Variants in CNBD1 observed in about 807,000 individuals in gnomAD.
The protein encoded by CNBD1 is cyclic nucleotide-binding domain-containing protein 1.
CNBD1 carries 71 observed loss-of-function variants against 54.4 expected under a neutral mutation model. That is an observed-to-expected ratio of 1.30 (90% CI 1.08 to 1.59). The LOEUF (loss-of-function observed/expected upper bound fraction) is 1.59, where lower values mean the gene tolerates loss of function less well. Among genes scored for constraint, CNBD1 ranks in the 40% most tolerant of loss-of-function variants. The pLI is 0.00. For synonymous variants in CNBD1, 182 were observed against 170.7 expected (o/e 1.07, Z -0.51); for missense variants, 659 against 518.0 (o/e 1.27, Z -2.64).
rs370371059 is a variant in CNBD1, at chr8:86,893,010, G to T, written c.158+5399G>T. On this transcript the variant is annotated intron_variant, in intron 2 of 10. Transcript: ENST00000518476. ...AAGGATGGTTTATGTACACATAAAA[G>T]AAATGATCTGAGCTTCGAGCCATTA... Among the ~76,000 whole-genome samples the T allele has an allele frequency of 8.5e-5, 13 of 152,262 alleles. No individual in the cohort carries two copies. The South Asian group carries it at 1.2e-3, about 15-fold the overall frequency.
At chr8:86,917,520 T>A (rs1440895977) in intron 3 of CNBD1, among the ~76,000 whole-genome samples, 1 of 152,092 alleles carries the variant, frequency 6.6e-6, no homozygotes, top group African/African-American at 2.4e-5. Context: ...GGTCTAGAAT[T>A]TCCCATGAAC....
At chr8:86,885,994 C>T (rs192169446) in intron 1 of CNBD1, among the ~76,000 whole-genome samples, 210 of 152,222 alleles carry the variant, frequency 1.4e-3, no homozygotes, top group Non-Finnish European at 2.2e-3. Flanking sequence ...ATTTTTTTGT[C>T]ACCTGCTTTA....
At chr8:87,263,072 T>C (rs1241174200) in intron 6 of CNBD1, among the ~76,000 whole-genome samples, 1 of 152,112 alleles carries the variant, frequency 6.6e-6, no homozygotes, top group East Asian at 1.9e-4. Flanking sequence ...GGAGCTCCTT[T>C]TATATGTGTT....
chr8:86,952,834 G>A (rs181490026), intron 4 of CNBD1, among the ~76,000 whole-genome samples: 15 of 152,210 alleles, frequency 9.9e-5, no homozygotes, highest in Admixed American at 8.5e-4. Context: ...GCTCCCAAGA[G>A]TTTCCTTGCA....
chr8:86,996,817 A>G (rs1277678005), intron 4 of CNBD1, among the ~76,000 whole-genome samples: 1 of 152,222 alleles, frequency 6.6e-6, no homozygotes, highest in Non-Finnish European at 1.5e-5. Context: ...ATGACAATGT[A>G]TTTATTACTA....
chr8:87,217,757 C>G (rs1814243991), intron 5 of CNBD1, among the ~76,000 whole-genome samples: 1 of 151,858 alleles, frequency 6.6e-6, no homozygotes, highest in African/African-American at 2.4e-5. Context: ...GTAGATTATT[C>G]TCAAGATTGA....
intron 6 of CNBD1, among the ~76,000 whole-genome samples, chr8:87,275,443 T>A (rs549622471): frequency 6.6e-6 from 1 of 152,184 alleles, no homozygotes; most frequent in African/African-American, 2.4e-5. Context: ...TATCCGCTTT[T>A]ATTTCATTGA....
intron 2 of CNBD1, among the ~76,000 whole-genome samples, chr8:87,408,665 T>A (rs1386616793): frequency 6.6e-6 from 1 of 152,110 alleles, no homozygotes; most frequent in Non-Finnish European, 1.5e-5. Flanking sequence ...TAGAGGTTGG[T>A]GACAGCCCTG....
intron 6 of CNBD1, among the ~76,000 whole-genome samples, chr8:87,246,591 G>T (rs567713917): frequency 7.2e-5 from 11 of 152,212 alleles, no homozygotes; most frequent in African/African-American, 2.6e-4. Flanking sequence ...TGACTTTAGG[G>T]ATTAATTTAG....
At chr8:87,427,924 G>C (rs142874481) in intron 2 of CNBD1, among the ~76,000 whole-genome samples, 124 of 152,200 alleles carry the variant, frequency 8.1e-4, no homozygotes, top group Admixed American at 2.6e-3. Context: ...CTGGATCACA[G>C]ACCTTCACCA....
intron 4 of CNBD1, among the ~76,000 whole-genome samples, chr8:87,205,715 TA>T (rs796179438): frequency 1.4e-4 from 21 of 150,994 alleles, no homozygotes; most frequent in African/African-American, 4.7e-4. Context: ...GTTTTCTATT[TA>T]AAAAGAAGTT....
intron 3 of CNBD1, among the ~76,000 whole-genome samples, chr8:86,935,722 C>T (rs1021007456): frequency 2.0e-5 from 3 of 152,024 alleles, no homozygotes; most frequent in African/African-American, 7.2e-5. Context: ...GGTTTTATTA[C>T]TCTAACAATT....
chr8:87,140,192 A>G (rs1812343816), intron 4 of CNBD1, among the ~76,000 whole-genome samples: 1 of 151,976 alleles, frequency 6.6e-6, no homozygotes, highest in Non-Finnish European at 1.5e-5. Flanking sequence ...TGTATGTTAA[A>G]TTTCTGTCTC....
intron 4 of CNBD1, chr8:87,044,552 T>C (rs1810141478): frequency 1.3e-5 from 2 of 152,336 alleles, no homozygotes; most frequent in South Asian, 4.1e-4. Context: ...TACAGTGGAA[T>C]GCCAACTTTT....
chr8:86,939,173 GA>G (rs1467630847), intron 3 of CNBD1, among the ~76,000 whole-genome samples: 16 of 151,962 alleles, frequency 1.1e-4, no homozygotes, highest in African/African-American at 3.9e-4. Flanking sequence ...GATGTTTATA[GA>G]TTACCAGTGG....
chr8:87,099,034 CAAAAAAAAAAAA>C (rs11402011), intron 4 of CNBD1, among the ~76,000 whole-genome samples: 1 of 23,036 alleles, frequency 4.3e-5, no homozygotes, highest in East Asian at 1.8e-3. Flanking sequence ...GACTGTGTCT[CAAAAAAAAAAAA>C]AAAAAAAAAA....
intron 2 of CNBD1, among the ~76,000 whole-genome samples, chr8:86,890,926 G>A (rs900213246): frequency 1.3e-5 from 2 of 150,620 alleles, no homozygotes; most frequent in Non-Finnish European, 3.0e-5. Context: ...CAAAAACTCT[G>A]TCCATTTTTA....
intron 8 of CNBD1, among the ~76,000 whole-genome samples, chr8:87,335,969 A>C (rs2130914471): frequency 6.6e-6 from 1 of 152,262 alleles, no homozygotes; most frequent in South Asian, 2.1e-4. Flanking sequence ...TCTGAAGCTT[A>C]GTTTGGCTGG....
chr8:87,019,191 A>C (rs1479615771), intron 4 of CNBD1, among the ~76,000 whole-genome samples: 1 of 152,218 alleles, frequency 6.6e-6, no homozygotes. Context: ...AGTTAAAACA[A>C]GTCAGTCTTA....
Sources: allele counts gnomAD v4.1 joint callset (sites outside exome capture counted in the v4.1 genomes callset), GRCh38; gene constraint gnomAD v4.1.1; transcripts MANE v1.5; gene names NCBI Gene and HGNC (gene_info 2026-07-23, HGNC 2026-07-21).